GALNT7: variants seen among roughly 807,000 people sequenced by gnomAD.
GALNT7 encodes N-acetylgalactosaminyltransferase 7.
GALNT7 carries 60 observed loss-of-function variants against 82.1 expected under a neutral mutation model. The ratio of observed to expected loss-of-function variants is 0.73; its 90% CI spans 0.59 to 0.91. GALNT7 has a LOEUF of 0.91. Ranked by LOEUF, GALNT7 falls within the 40% of genes least tolerant of loss-of-function variation. The pLI is 0.00. For synonymous variants in GALNT7, 243 were observed against 275.1 expected, an observed-to-expected ratio of 0.88 and a Z score of 1.15; for missense variants, 660 against 804.2, an observed-to-expected ratio of 0.82 and a Z score of 2.17.
At chr4:173,171,097 G>A (rs982690728) in intron 1 of GALNT7, among the ~76,000 whole-genome samples, 2 of 152,188 alleles carry the variant, frequency 1.3e-5, no homozygotes, top group Admixed American at 6.5e-5. Context: ...TATCAGAAGA[G>A]CAAGAAAGAC....
At chr4:173,295,164 T>C (rs1736675026) in intron 3 of GALNT7, among the ~76,000 whole-genome samples, 1 of 152,232 alleles carries the variant, frequency 6.6e-6, no homozygotes, top group Non-Finnish European at 1.5e-5. Flanking sequence ...GAATAATCAT[T>C]GTTTAGAAGG....
At chr4:173,262,056 A>G (rs1411016604) in intron 2 of GALNT7, among the ~76,000 whole-genome samples, 1 of 152,204 alleles carries the variant, frequency 6.6e-6, no homozygotes, top group African/African-American at 2.4e-5. Flanking sequence ...TGTCTGGCTT[A>G]TAGAAGATAA....
intron 2 of GALNT7, among the ~76,000 whole-genome samples, chr4:173,286,231 C>T (rs1158351118): frequency 6.6e-6 from 1 of 152,218 alleles, no homozygotes; most frequent in African/African-American, 2.4e-5. Flanking sequence ...TACCTTTTCA[C>T]AATCATGTTC....
At chr4:173,234,191 A>T (rs1338861398) in intron 1 of GALNT7, among the ~76,000 whole-genome samples, 1 of 152,146 alleles carries the variant, frequency 6.6e-6, no homozygotes, top group African/African-American at 2.4e-5. Context: ...TCTCTTCTAT[A>T]GTCTCACCCT....
At chr4:173,177,571 A>G (rs973282589) in intron 1 of GALNT7, among the ~76,000 whole-genome samples, 6 of 152,226 alleles carry the variant, frequency 3.9e-5, no homozygotes, top group African/African-American at 1.4e-4. Flanking sequence ...GTGGGGAGAG[A>G]TGAAAGAAGG....
chr4:173,189,596 G>A (rs1732562626), intron 1 of GALNT7, among the ~76,000 whole-genome samples: 1 of 152,174 alleles, frequency 6.6e-6, no homozygotes, highest in South Asian at 2.1e-4. Flanking sequence ...TTTCTGCATA[G>A]GCAAGATTGA....
At chr4:173,278,713 A>G (rs537044713) in intron 2 of GALNT7, among the ~76,000 whole-genome samples, 3 of 152,358 alleles carry the variant, frequency 2.0e-5, no homozygotes, top group Admixed American at 2.0e-4. Context: ...TACAGTGCCA[A>G]TATAATTTTA....
intron 1 of GALNT7, among the ~76,000 whole-genome samples, chr4:173,203,547 T>C (rs1220540566): frequency 6.6e-6 from 1 of 152,220 alleles, no homozygotes; most frequent in African/African-American, 2.4e-5. Context: ...TCTGCTCTTC[T>C]CTCTTGCTAT....
intron 1 of GALNT7, among the ~76,000 whole-genome samples, chr4:173,213,263 T>C (rs1026577509): frequency 9.9e-5 from 15 of 152,130 alleles, no homozygotes; most frequent in Non-Finnish European, 1.5e-5. Flanking sequence ...AGAGATTTTA[T>C]TGTAGAATTA....
intron 2 of GALNT7, among the ~76,000 whole-genome samples, chr4:173,259,207 A>C (rs1010685813): frequency 6.6e-6 from 1 of 152,204 alleles, no homozygotes; most frequent in Non-Finnish European, 1.5e-5. Flanking sequence ...AATAACAGAG[A>C]TGGATTTATA....
chr4:173,271,544 C>A (rs1251545580), intron 2 of GALNT7, among the ~76,000 whole-genome samples: 2 of 152,120 alleles, frequency 1.3e-5, no homozygotes, highest in Admixed American at 6.5e-5. Flanking sequence ...ACTTCCTCTG[C>A]CTCCTGGGTT....
intron 2 of GALNT7, among the ~76,000 whole-genome samples, chr4:173,263,105 A>G (rs1419364487): frequency 4.6e-5 from 7 of 152,204 alleles, no homozygotes; most frequent in Non-Finnish European, 1.5e-5. Context: ...TGAAAAAGAT[A>G]GTATCTTCAT....
chr4:173,182,659 A>AATACACAC (rs1732284376), intron 1 of GALNT7, among the ~76,000 whole-genome samples: 1 of 141,746 alleles, frequency 7.1e-6, no homozygotes, highest in Admixed American at 7.2e-5. Flanking sequence ...GGTTACTCAT[A>AATACACAC]ATACACACAC....
chr4:173,180,393 T>TCTC, intron 1 of GALNT7, among the ~76,000 whole-genome samples: 1 of 135,546 alleles, frequency 7.4e-6, no homozygotes, highest in East Asian at 2.5e-4. Context: ...AATGGCACAA[T>TCTC]CTCGACTCAC....
chr4:173,203,979 C>T lies in GALNT7; in HGVS notation c.126+35018C>T, dbSNP rs78392384. ...ACTAATTAGCATCCTTTTCTTTCAG[C>T]TTGAAGAACTCCCTTTACTATTTCT... On this transcript the variant is annotated intron_variant, in intron 1 of 11. Coordinates refer to ENST00000265000, the MANE Select transcript of GALNT7 (RefSeq NM_017423.3). Among the ~76,000 whole-genome samples, 204 of 152,294 alleles carry T rather than the reference C, an allele frequency of 1.3e-3. 5 individuals carry two copies. In the East Asian group the frequency reaches 0.031, roughly 23 times the overall value.
chr4:173,311,744 G>T (rs1463733686), intron 8 of GALNT7, among the ~76,000 whole-genome samples: 1 of 152,264 alleles, frequency 6.6e-6, no homozygotes, highest in South Asian at 2.1e-4. Context: ...GATTATAATT[G>T]GTCCTGAAAT....
At chr4:173,202,778 T>C (rs1308754876) in intron 1 of GALNT7, among the ~76,000 whole-genome samples, 2 of 152,224 alleles carry the variant, frequency 1.3e-5, no homozygotes, top group Non-Finnish European at 2.9e-5. Flanking sequence ...ATACTATCAT[T>C]GTCCCAAATT....
intron 1 of GALNT7, among the ~76,000 whole-genome samples, chr4:173,247,482 C>G (rs1270753468): frequency 6.6e-6 from 1 of 151,874 alleles, no homozygotes; most frequent in East Asian, 1.9e-4. Context: ...CCGCCTTGTT[C>G]CTCTGCCATT....
intron 2 of GALNT7, among the ~76,000 whole-genome samples, chr4:173,272,810 C>A (rs758568748): frequency 6.6e-6 from 1 of 152,230 alleles, no homozygotes; most frequent in Non-Finnish European, 1.5e-5. Context: ...TATATTCTTA[C>A]TAACCCCAGA....
Sources: allele counts gnomAD v4.1 joint callset (sites outside exome capture counted in the v4.1 genomes callset), GRCh38; gene constraint gnomAD v4.1.1; transcripts MANE v1.5; gene names NCBI Gene and HGNC (gene_info 2026-07-23, HGNC 2026-07-21).